Variants in PLEKHG1 observed in about 807,000 individuals in gnomAD.
PLEKHG1 encodes pleckstrin homology and RhoGEF domain containing G1.
In PLEKHG1, 44 loss-of-function variants were observed where a neutral mutation model predicts 100.8. The observed-to-expected ratio is 0.44, with a 90% CI of 0.34 to 0.56. The LOEUF is 0.56. PLEKHG1 is among the 20% of genes least tolerant of loss of function. The pLI, the probability that PLEKHG1 is intolerant of heterozygous loss-of-function variation, is 0.01. For synonymous variants in PLEKHG1, 640 were observed against 662.5 expected, an observed-to-expected ratio of 0.97 and a Z score of 0.52; for missense variants, 1,545 against 1,720.9, an observed-to-expected ratio of 0.90 and a Z score of 1.81.
intron 7 of PLEKHG1, among the ~76,000 whole-genome samples, chr6:150,808,427 T>C (rs1787275182): frequency 6.6e-6 from 1 of 151,978 alleles, no homozygotes; most frequent in Non-Finnish European, 1.5e-5. Context: ...AGGAGTTTTT[T>C]TTTTTCCCAG....
At chr6:150,699,749 A>G (rs762920785) in intron 3 of PLEKHG1, among the ~76,000 whole-genome samples, 8 of 152,214 alleles carry the variant, frequency 5.3e-5, no homozygotes, top group Non-Finnish European at 8.8e-5. Context: ...TGGTGTCTCT[A>G]CTTTCAAAAT....
At chr6:150,795,976 A>G (rs1433614567) in intron 5 of PLEKHG1, 74 bp downstream of exon 6, 4 of 942,472 alleles carry the variant, frequency 4.2e-6, no homozygotes, top group Non-Finnish European at 5.2e-6. Context: ...TGCAGTACAC[A>G]TGGTTGTTAG....
rs150924263 is a variant in PLEKHG1 at position 150,614,749 on chromosome 6, G to C, written c.-204+14732G>C. 4.1e-4 allele frequency among the ~76,000 whole-genome samples: 63 copies of C among 152,272 alleles called. No homozygotes were observed. In the South Asian group the frequency reaches 5.0e-3, roughly 12 times the overall value. On this transcript the variant is annotated intron_variant, in intron 1 of 3. Coordinates refer to the PLEKHG1 transcript ENST00000367326. ...CTCTGCGGCATTCTTCATTTTTGCT[G>C]TGGTCTCCTGCGGAGTGGAAAAGTT...
intron 1 of PLEKHG1, among the ~76,000 whole-genome samples, chr6:150,725,756 GT>G (rs555158016): frequency 0.074 from 10,108 of 135,840 alleles, 455 homozygotes; most frequent in Admixed American, 0.15. Context: ...TCTCCCCTAT[GT>G]TTTTTTTTTC....
At chr6:150,623,263 A>G (rs1173537264) in intron 1 of PLEKHG1, among the ~76,000 whole-genome samples, 1 of 152,168 alleles carries the variant, frequency 6.6e-6, no homozygotes, top group Non-Finnish European at 1.5e-5. Flanking sequence ...GTCTTGTTTC[A>G]TTTCATTTTG....
intron 1 of PLEKHG1, chr6:150,633,207 G>A (rs2128562677): frequency 6.6e-6 from 1 of 152,390 alleles, no homozygotes; most frequent in East Asian, 1.9e-4. Context: ...CTAATCGGAG[G>A]GCAACAGTGT....
chr6:150,774,715 G>A (rs1230942828), intron 3 of PLEKHG1, among the ~76,000 whole-genome samples: 1 of 151,290 alleles, frequency 6.6e-6, no homozygotes, highest in African/African-American at 2.4e-5. Context: ...TGATTTTTGT[G>A]TTTTTGTAGA....
In PLEKHG1 at chr6:150,627,039, G is replaced by T. The variant is rs572033142; in HGVS notation, c.-203-11041G>T. ...CACCACTGGGACTCTGGGGTGTGGC[G>T]TGATCTCTTGTAATAGATCAAGGGA... On this transcript the variant is annotated intron_variant, in intron 1 of 3. Coordinates refer to the PLEKHG1 transcript ENST00000367326. Among the ~76,000 whole-genome samples, 7 of 152,246 alleles carry T rather than the reference G, an allele frequency of 4.6e-5. No homozygotes were observed. In the East Asian group the frequency reaches 1.3e-3, roughly 29 times the overall value.
At chr6:150,835,010 C>T (rs1036022463) in intron 15 of PLEKHG1, among the ~76,000 whole-genome samples, 5 of 152,136 alleles carry the variant, frequency 3.3e-5, no homozygotes, top group African/African-American at 1.2e-4. Context: ...ATTCTCCAGA[C>T]TTCTCCGTGT....
intron 2 of PLEKHG1, among the ~76,000 whole-genome samples, chr6:150,739,428 G>A (rs1782734341): frequency 6.6e-6 from 1 of 152,112 alleles, no homozygotes; most frequent in Non-Finnish European, 1.5e-5. Flanking sequence ...AGCACTTTGG[G>A]AGGCCGAAGT....
At chr6:150,742,284 G>A (rs1562479738) in intron 2 of PLEKHG1, among the ~76,000 whole-genome samples, 2 of 152,124 alleles carry the variant, frequency 1.3e-5, no homozygotes, top group African/African-American at 2.4e-5. Flanking sequence ...AGAGAACGTG[G>A]TGGCCAGGTG....
At position 150,831,970 on chromosome 6, in the gene PLEKHG1, C is replaced by T. The variant is rs771898401; in HGVS notation, c.2859C>T (p.Gly953=). 6.2e-7 allele frequency: 1 copy of T among 1,613,454 alleles called. No individual in the cohort carries two copies. Among genetic ancestry groups the T allele is most frequent in the Admixed American group, 1.7e-5 (1 of 59,948 alleles). The change falls in exon 15 of 16, where the codon GGC becomes GGT. Residue 953 remains glycine (G), a synonymous_variant. Transcript: ENST00000358517. The surrounding 1 kb of genome is among the most constrained non-coding windows in gnomAD (Gnocchi z 4.1). ...ATCCCTACGACCTGGCCAACAGTGG[C>T]CTGTCTCAAACAGACCCAGAAAACC...
Position 150,603,087 on chromosome 6 carries a change from A to T in PLEKHG1, c.-204+3070A>T, listed in dbSNP as rs964603167. On this transcript the variant is annotated intron_variant, in intron 1 of 3. Transcript: ENST00000367326. Reference sequence around the variant, plus strand: ...ACAGCGAGACTCCGTCTCAAAAAAAAAAAAAATAAAAAAAAAGAAAAGAAA... The same window carrying T: ...ACAGCGAGACTCCGTCTCAAAAAAATAAAAAATAAAAAAAAAGAAAAGAAA... Among the ~76,000 whole-genome samples, 33 of 149,064 alleles carry T rather than the reference A, an allele frequency of 2.2e-4. 1 individual carries two copies. Among genetic ancestry groups the T allele is most frequent in the Admixed American group, 3.3e-4 (5 of 15,098 alleles).
intron 1 of PLEKHG1, chr6:150,626,023 G>A (rs1044131903): frequency 8.5e-5 from 13 of 152,066 alleles, no homozygotes; most frequent in African/African-American, 2.9e-4. Flanking sequence ...ATGTTGGGAT[G>A]AGGAGTGATA....
chr6:150,818,851 A>G (rs1343872553), intron 11 of PLEKHG1, among the ~76,000 whole-genome samples: 6 of 152,220 alleles, frequency 3.9e-5, no homozygotes, highest in Non-Finnish European at 7.3e-5. Flanking sequence ...AAACACTTCT[A>G]CTTTACTTAA....
chr6:150,832,118 C>T lies in PLEKHG1; in HGVS notation c.3007C>T (p.Gln1003Ter). The T allele has an allele frequency of 4.3e-6, 7 of 1,614,038 alleles. No individual in the cohort carries two copies. Among genetic ancestry groups the T allele is most frequent in the Non-Finnish European group, 5.9e-6 (7 of 1,179,986 alleles). ...AAAAGTGAAAAGTCTGGAGCTGGAG[C>T]AGCCGCCGGCCAGTCAGCATCAGAA... The change falls in exon 15 of 16, where the codon CAG (glutamine) becomes TAG (stop). Residue 1003 changes from glutamine to a stop codon, truncating the protein, a stop_gained. Transcript: ENST00000358517. LOFTEE classifies it high-confidence loss of function.
At chr6:150,804,016 TTTTATCCTG>T (rs137989496) in intron 6 of PLEKHG1, among the ~76,000 whole-genome samples, 28,855 of 149,078 alleles carry the variant, frequency 0.19, 4,292 homozygotes, top group African/African-American at 0.4. Flanking sequence ...GTATGTTGTA[TTTTATCCTG>T]TTTATCCTGG....
intron 1 of PLEKHG1, among the ~76,000 whole-genome samples, chr6:150,607,237 C>G (rs531441466): frequency 6.6e-6 from 1 of 152,248 alleles, no homozygotes; most frequent in Non-Finnish European, 1.5e-5. Context: ...GACTAGCAAG[C>G]TGATTGCAGC....
intron 1 of PLEKHG1, among the ~76,000 whole-genome samples, chr6:150,732,366 A>T (rs560840870): frequency 6.6e-6 from 1 of 152,312 alleles, no homozygotes; most frequent in South Asian, 2.1e-4. Context: ...ATATGCCACA[A>T]ATGGAATGCC....
Sources: gnomAD v4.1 joint callset for allele counts (sites outside exome capture counted in the v4.1 genomes callset) on GRCh38, gnomAD v4.1.1 for gene constraint, Gnocchi (gnomAD v3.1) non-coding constraint, MANE v1.5 for transcripts, NCBI Gene and HGNC (gene_info 2026-07-23, HGNC 2026-07-21) for gene names.